The following PTPRD variants were observed in gnomAD, a reference collection of about 807,000 sequenced individuals.
PTPRD encodes receptor-type tyrosine-protein phosphatase delta.
In PTPRD, 34 loss-of-function variants were observed where a neutral mutation model predicts 214.5. That is an observed-to-expected ratio of 0.16 (90% CI 0.12 to 0.21). PTPRD has a LOEUF of 0.21. PTPRD is among the 10% of genes least tolerant of loss of function. The pLI is 1.00. For synonymous variants in PTPRD, 1,128 were observed against 845.7 expected, an observed-to-expected ratio of 1.33 and a Z score of -5.79; for missense variants, 2,545 against 2,398.7, an observed-to-expected ratio of 1.06 and a Z score of -1.27.
intron 3 of PTPRD, among the ~76,000 whole-genome samples, chr9:10,322,691 C>A (rs1378093508): frequency 2.0e-5 from 3 of 151,974 alleles, no homozygotes; most frequent in Non-Finnish European, 1.5e-5. Context: ...TGGCAATTAT[C>A]ACATCAACCA....
At chr9:8,719,537 G>C (rs1482646029) in intron 12 of PTPRD, among the ~76,000 whole-genome samples, 2 of 152,194 alleles carry the variant, frequency 1.3e-5, no homozygotes, top group Non-Finnish European at 2.9e-5. Flanking sequence ...GGTGAGTAAG[G>C]TCAAAAGCAG....
chr9:8,621,004 A>C (rs906451010), intron 14 of PTPRD, among the ~76,000 whole-genome samples: 1 of 152,070 alleles, frequency 6.6e-6, no homozygotes, highest in African/African-American at 2.4e-5. Flanking sequence ...CTACTTTATG[A>C]AAACAAATGC....
At chr9:9,238,488 C>A (rs546802086) in intron 9 of PTPRD, among the ~76,000 whole-genome samples, 2 of 152,150 alleles carry the variant, frequency 1.3e-5, no homozygotes, top group East Asian at 3.9e-4. Flanking sequence ...AGGAAGGCCT[C>A]GGGCATCTGA....
In PTPRD at chr9:10,600,715, T is replaced by C. The variant is rs141623247; in HGVS notation, c.-600+11683A>G. Among the ~76,000 whole-genome samples, 44 of 151,842 alleles carry C rather than the reference T, an allele frequency of 2.9e-4. No individual in the cohort carries two copies. In the East Asian group the frequency reaches 7.8e-3, roughly 27 times the overall value. Reference sequence around the variant, plus strand: ...GATCAATTTGTTGTGCAGAATAATATAGTAGGTGGTTCATCATGAGCAAAT... The same window carrying C: ...GATCAATTTGTTGTGCAGAATAATACAGTAGGTGGTTCATCATGAGCAAAT... On this transcript the variant is annotated intron_variant, in intron 2 of 45. Transcript: ENST00000381196.
chr9:8,846,749 G>T (rs1301825966), intron 11 of PTPRD, among the ~76,000 whole-genome samples: 1 of 152,146 alleles, frequency 6.6e-6, no homozygotes, highest in African/African-American at 2.4e-5. Flanking sequence ...GAGTGGGGAA[G>T]AGAAAATGAA....
At chr9:9,724,073 T>C (rs1288467499) in intron 7 of PTPRD, among the ~76,000 whole-genome samples, 4 of 152,110 alleles carry the variant, frequency 2.6e-5, no homozygotes, top group African/African-American at 9.7e-5. Context: ...TGGCCAAAAT[T>C]ATTTATGTCT....
chr9:10,230,842 T>C (rs1424047581), intron 3 of PTPRD, among the ~76,000 whole-genome samples: 3 of 152,028 alleles, frequency 2.0e-5, no homozygotes, highest in African/African-American at 4.8e-5. Flanking sequence ...TTTGCATCGG[T>C]TGTGGAAGGA....
intron 43 of PTPRD, among the ~76,000 whole-genome samples, chr9:8,332,074 C>T (rs1011337655): frequency 1.3e-5 from 2 of 152,108 alleles, no homozygotes; most frequent in Non-Finnish European, 2.9e-5. Flanking sequence ...CGTAACCATT[C>T]ATCATGTCTG....
chr9:9,168,235 GTTAC>G (rs2099907919), intron 10 of PTPRD, among the ~76,000 whole-genome samples: 1 of 152,120 alleles, frequency 6.6e-6, no homozygotes, highest in Non-Finnish European at 1.5e-5. Context: ...ACAGTAAAAG[GTTAC>G]TTACCCTTCT....
chr9:9,391,395 T>C (rs1036613389), intron 9 of PTPRD, among the ~76,000 whole-genome samples: 2 of 152,204 alleles, frequency 1.3e-5, no homozygotes, highest in African/African-American at 4.8e-5. Flanking sequence ...ATTTGACTAA[T>C]GGGTAAAACA....
At chr9:9,058,442 G>GTTTTTTTTGTT (rs2099700410) in intron 10 of PTPRD, among the ~76,000 whole-genome samples, 6 of 69,900 alleles carry the variant, frequency 8.6e-5, no homozygotes. Flanking sequence ...TATTATGAGG[G>GTTTTTTTTGTT]TTTTTTTTTT....
chr9:10,556,456 A>G (rs1046046932), intron 2 of PTPRD, among the ~76,000 whole-genome samples: 3 of 152,134 alleles, frequency 2.0e-5, no homozygotes, highest in Non-Finnish European at 4.4e-5. Flanking sequence ...TAGGGCACAT[A>G]TATTACTAAC....
At chr9:10,020,589 C>A (rs1344473811) in intron 4 of PTPRD, among the ~76,000 whole-genome samples, 1 of 59,584 alleles carries the variant, frequency 1.7e-5, no homozygotes, top group Non-Finnish European at 3.4e-5. Flanking sequence ...GAAATACATG[C>A]TAGCCACTTA....
At chr9:10,199,368 G>C (rs1271880191) in intron 3 of PTPRD, among the ~76,000 whole-genome samples, 3 of 152,044 alleles carry the variant, frequency 2.0e-5, no homozygotes, top group Non-Finnish European at 4.4e-5. Context: ...GGAGAAACTT[G>C]TCCACAATCA....
intron 35 of PTPRD, among the ~76,000 whole-genome samples, chr9:8,426,561 A>G (rs1012852430): frequency 1.3e-5 from 2 of 152,204 alleles, no homozygotes; most frequent in Non-Finnish European, 2.9e-5. Context: ...GAGCAGGTGA[A>G]AAGACATTTT....
chr9:9,011,238 G>A (rs920704043), intron 11 of PTPRD, among the ~76,000 whole-genome samples: 1 of 151,970 alleles, frequency 6.6e-6, no homozygotes, highest in Non-Finnish European at 1.5e-5. Flanking sequence ...ATGGTCTCAC[G>A]TATCCCAACA....
chr9:10,110,785 G>C (rs1034977099), intron 3 of PTPRD, among the ~76,000 whole-genome samples: 1 of 152,206 alleles, frequency 6.6e-6, no homozygotes, highest in Non-Finnish European at 1.5e-5. Flanking sequence ...AAAACAGTTA[G>C]AAAGGATATG....
At chr9:10,597,347 T>C (rs1314279597) in intron 2 of PTPRD, among the ~76,000 whole-genome samples, 1 of 151,764 alleles carries the variant, frequency 6.6e-6, no homozygotes, top group African/African-American at 2.4e-5. Context: ...AAAAGGAACT[T>C]TATAACAAGC....
rs556995654 is a variant in PTPRD at position 9,971,202 on chromosome 9, G to C, written c.-471-32592C>G. Among the ~76,000 whole-genome samples the C allele has an allele frequency of 5.9e-5, 9 of 152,178 alleles. No homozygotes were observed. In the South Asian group the frequency reaches 1.7e-3, roughly 28 times the overall value. On this transcript the variant is annotated intron_variant, in intron 4 of 45. Coordinates refer to ENST00000381196, the MANE Select transcript of PTPRD (RefSeq NM_002839.4). ...GCTAATTAAAAAAATAAAAACATCA[G>C]GTAAGATTTAAGTTCCTTTTAAGTA...
Sources: allele counts gnomAD v4.1 joint callset (sites outside exome capture counted in the v4.1 genomes callset), GRCh38; gene constraint gnomAD v4.1.1; transcripts MANE v1.5; gene names NCBI Gene and HGNC (gene_info 2026-07-23, HGNC 2026-07-21).